The following KALRN variants were observed in gnomAD, a reference collection of about 807,000 sequenced individuals.
KALRN encodes the protein kalirin.
Under a neutral mutation model 353.7 loss-of-function variants are expected in KALRN, and 70 were observed. The observed-to-expected ratio is 0.20, with a 90% CI of 0.16 to 0.24. KALRN has a LOEUF of 0.24. Ranked by LOEUF, KALRN falls within the 10% of genes least tolerant of loss-of-function variation. The pLI is 1.00. For synonymous variants in KALRN, 1,391 were observed against 1,434.8 expected (o/e 0.97, Z 0.69); for missense variants, 2,791 against 3,756.7 (o/e 0.74, Z 6.72).
chr3:124,463,856 G>C (rs1476594110), intron 25 of KALRN, among the ~76,000 whole-genome samples: 1 of 152,202 alleles, frequency 6.6e-6, no homozygotes. Flanking sequence ...CATAATATAT[G>C]TAGCTCCCAT....
chr3:124,117,613 A>G (rs2063573190), intron 1 of KALRN, among the ~76,000 whole-genome samples: 1 of 152,112 alleles, frequency 6.6e-6, no homozygotes, highest in African/African-American at 2.4e-5. Context: ...GAAGTAGAGG[A>G]ACATTAAGGC....
chr3:124,440,141 G>A (rs752439232), intron 18 of KALRN, among the ~76,000 whole-genome samples: 6 of 151,954 alleles, frequency 3.9e-5, no homozygotes, highest in African/African-American at 1.5e-4. Context: ...GCTCTTACTA[G>A]TAAGACTAAA....
chr3:124,326,261 A>G (rs1166619738), intron 7 of KALRN, 90 bp downstream of exon 7: 2 of 1,023,044 alleles, frequency 2.0e-6, no homozygotes, highest in Non-Finnish European at 2.8e-6. Flanking sequence ...CACACTCTCT[A>G]TAGGGAGCTC....
intron 1 of KALRN, among the ~76,000 whole-genome samples, chr3:124,128,078 A>G (rs1007334829): frequency 2.0e-5 from 3 of 152,090 alleles, no homozygotes; most frequent in African/African-American, 7.2e-5. Flanking sequence ...TCAATCATGT[A>G]TTCCCTCAAT....
At chr3:124,255,975 CAG>C (rs1174209494) in intron 3 of KALRN, among the ~76,000 whole-genome samples, 1 of 152,076 alleles carries the variant, frequency 6.6e-6, no homozygotes, top group African/African-American at 2.4e-5. Context: ...ATTGCTCTGA[CAG>C]AGGATGATCA....
At chr3:124,424,074 G>T (rs2150375670) in intron 15 of KALRN, among the ~76,000 whole-genome samples, 1 of 152,040 alleles carries the variant, frequency 6.6e-6, no homozygotes, top group Non-Finnish European at 1.5e-5. Flanking sequence ...TCATTTTATA[G>T]ATTAGGCCAC....
At chr3:124,302,422 G>A (rs1389122718) in intron 6 of KALRN, among the ~76,000 whole-genome samples, 1 of 152,208 alleles carries the variant, frequency 6.6e-6, no homozygotes, top group African/African-American at 2.4e-5. Context: ...TTGACTTAAT[G>A]TTGATTGTTC....
At chr3:124,253,005 A>C (rs550305506) in intron 3 of KALRN, among the ~76,000 whole-genome samples, 3 of 152,384 alleles carry the variant, frequency 2.0e-5, no homozygotes, top group African/African-American at 7.2e-5. Context: ...ACTTCTGATT[A>C]TACCAATTAG....
intron 1 of KALRN, among the ~76,000 whole-genome samples, chr3:124,086,138 T>C (rs2060805952): frequency 6.6e-6 from 1 of 152,184 alleles, no homozygotes; most frequent in South Asian, 2.1e-4. Context: ...TTTTTTTTTC[T>C]GTTATAGAAT....
At chr3:124,376,760 C>T (rs976802378) in intron 10 of KALRN, among the ~76,000 whole-genome samples, 1 of 152,106 alleles carries the variant, frequency 6.6e-6, no homozygotes, top group Non-Finnish European at 1.5e-5. Flanking sequence ...TGCTGAACTG[C>T]AGAGTTTTTG....
chr3:124,052,906 G>A (rs1446417130), intron 1 of KALRN, among the ~76,000 whole-genome samples: 1 of 152,138 alleles, frequency 6.6e-6, no homozygotes, highest in Non-Finnish European at 1.5e-5. Flanking sequence ...TCCTAGCAGA[G>A]GAAGAAAGGT....
intron 1 of KALRN, among the ~76,000 whole-genome samples, chr3:124,161,741 G>A (rs911121918): frequency 6.6e-6 from 1 of 152,176 alleles, no homozygotes; most frequent in Non-Finnish European, 1.5e-5. Flanking sequence ...CCACATCAAA[G>A]CCTTATAGGA....
chr3:124,137,158 C>T (rs765948046), intron 1 of KALRN, among the ~76,000 whole-genome samples: 1 of 152,106 alleles, frequency 6.6e-6, no homozygotes, highest in African/African-American at 2.4e-5. Context: ...CTGGAGTCGC[C>T]GGTTTTGCTG....
chr3:124,327,947 C>T (rs192640792), intron 7 of KALRN, among the ~76,000 whole-genome samples: 127 of 152,272 alleles, frequency 8.3e-4, no homozygotes, highest in Admixed American at 2.9e-3. Flanking sequence ...TTTCCTCTTC[C>T]GTAATGTGGA....
intron 1 of KALRN, among the ~76,000 whole-genome samples, chr3:124,202,574 C>T (rs577501511): frequency 6.6e-5 from 10 of 152,086 alleles, no homozygotes; most frequent in African/African-American, 2.2e-4. Context: ...AATGAGAAGT[C>T]GGGTAACCTA....
chr3:124,531,949 GC>G, intron 33 of KALRN, among the ~76,000 whole-genome samples: 1 of 152,182 alleles, frequency 6.6e-6, no homozygotes, highest in East Asian at 1.9e-4. Context: ...AGGTAAGAAA[GC>G]TTCGTGTTCT....
chr3:124,340,085 C>T (rs765024066), intron 9 of KALRN, among the ~76,000 whole-genome samples: 2 of 152,150 alleles, frequency 1.3e-5, no homozygotes, highest in African/African-American at 2.4e-5. Context: ...ATCAAATGAA[C>T]CCCCTGTTTA....
intron 9 of KALRN, among the ~76,000 whole-genome samples, chr3:124,342,011 C>T (rs897328119): frequency 2.0e-5 from 3 of 150,260 alleles, no homozygotes; most frequent in Non-Finnish European, 3.0e-5. Flanking sequence ...CAGGAACTCA[C>T]TAGGGGTGGG....
chr3:124,301,567 G>C (rs992114088), intron 6 of KALRN, among the ~76,000 whole-genome samples: 1 of 152,050 alleles, frequency 6.6e-6, no homozygotes, highest in Non-Finnish European at 1.5e-5. Context: ...AAACATACCT[G>C]GTGCCTTTGT....
Sources: allele counts gnomAD v4.1 joint callset (sites outside exome capture counted in the v4.1 genomes callset), GRCh38; gene constraint gnomAD v4.1.1; transcripts MANE v1.5; gene names NCBI Gene and HGNC (gene_info 2026-07-23, HGNC 2026-07-21).